DGKI: variants seen among roughly 807,000 people sequenced by gnomAD.
DGKI encodes the protein diacylglycerol kinase iota, also known as DAG kinase iota.
A neutral mutation model predicts 147.5 loss-of-function variants in DGKI; 55 were observed. That is an observed-to-expected ratio of 0.37 (90% CI 0.30 to 0.47). DGKI has a LOEUF of 0.47. Among genes scored for constraint, DGKI ranks in the 20% least tolerant of loss-of-function variants. The probability of loss-of-function intolerance (pLI) is 1.00; values close to 1 mark genes in which losing one functional copy is unlikely to be tolerated. For synonymous variants in DGKI, 469 were observed against 477.1 expected (o/e 0.98, Z 0.22); for missense variants, 1,007 against 1,323.8 (o/e 0.76, Z 3.71).
chr7:137,444,161 GA>G, intron 27 of DGKI, 59 bp from the exon 28 acceptor site: 2 of 1,045,506 alleles, frequency 1.9e-6, no homozygotes, highest in Non-Finnish European at 2.8e-6. Flanking sequence ...TGATAATCAA[GA>G]ATAATTTCAT....
chr7:137,609,737 C>A, intron 8 of DGKI, 128 bp from the exon 9 acceptor site: 1 of 648,136 alleles, frequency 1.5e-6, no homozygotes, highest in Non-Finnish European at 2.7e-6. Flanking sequence ...TTTCACACTT[C>A]CAAGCCACTG....
At chr7:137,591,573 C>T (rs894748580) in intron 12 of DGKI, among the ~76,000 whole-genome samples, 1 of 152,112 alleles carries the variant, frequency 6.6e-6, no homozygotes, top group Non-Finnish European at 1.5e-5. Context: ...CCGAGCTGAG[C>T]GGCAGGGAGC....
chr7:137,612,221 CT>C (rs551204704), intron 8 of DGKI, among the ~76,000 whole-genome samples: 1,453 of 113,928 alleles, frequency 0.013, 12 homozygotes, highest in African/African-American at 0.039. Context: ...ACAAAACGGG[CT>C]TTTTTTTTTT....
intron 27 of DGKI, among the ~76,000 whole-genome samples, 163 bp from the exon 28 acceptor site, chr7:137,444,265 A>G (rs944489583): frequency 4.6e-5 from 7 of 152,340 alleles, no homozygotes; most frequent in Admixed American, 4.6e-4. Context: ...TCAATCAACA[A>G]TTCCCAACTC....
At chr7:137,796,376 T>A (rs1421248133) in intron 1 of DGKI, among the ~76,000 whole-genome samples, 1 of 152,072 alleles carries the variant, frequency 6.6e-6, no homozygotes, top group Admixed American at 6.6e-5. Flanking sequence ...GGTGGATGCC[T>A]GTAATCCCAG....
chr7:137,629,734 C>T (rs1332440079), intron 6 of DGKI, among the ~76,000 whole-genome samples: 1 of 152,194 alleles, frequency 6.6e-6, no homozygotes, highest in African/African-American at 2.4e-5. Context: ...CTAATACATA[C>T]ACAAATTATT....
intron 21 of DGKI, among the ~76,000 whole-genome samples, chr7:137,498,174 AAAAT>A (rs1816040475): frequency 6.6e-6 from 1 of 151,828 alleles, no homozygotes; most frequent in Non-Finnish European, 1.5e-5. Flanking sequence ...AAAATTTGAT[AAAAT>A]AAATAGAGAC....
intron 20 of DGKI, among the ~76,000 whole-genome samples, chr7:137,529,553 G>A (rs1705625489): frequency 6.6e-6 from 1 of 152,168 alleles, no homozygotes; most frequent in Non-Finnish European, 1.5e-5. Context: ...GCAAGCAGTG[G>A]CTTCCCTCAG....
intron 1 of DGKI, among the ~76,000 whole-genome samples, chr7:137,732,596 T>C (rs1306020778): frequency 6.6e-6 from 1 of 151,992 alleles, no homozygotes; most frequent in Non-Finnish European, 1.5e-5. Context: ...GTGCAGACTG[T>C]GATAATTAAC....
At chr7:137,694,262 C>CA (rs756798261) in intron 1 of DGKI, among the ~76,000 whole-genome samples, 78 of 149,526 alleles carry the variant, frequency 5.2e-4, no homozygotes, top group Non-Finnish European at 9.7e-4. Flanking sequence ...GCGGAGCCTG[C>CA]AGTGAGCGGA....
At chr7:137,618,151 A>ATTTTTTTTTTTTTTTTTTTT (rs1156891729) in intron 8 of DGKI, among the ~76,000 whole-genome samples, 2 of 10,450 alleles carry the variant, frequency 1.9e-4, no homozygotes, top group African/African-American at 2.5e-4. Context: ...ATATATATAT[A>ATTTTTTTTTTTTTTTTTTTT]TTTTTTTTTT....
At chr7:137,538,942 G>A (rs892354788) in intron 20 of DGKI, among the ~76,000 whole-genome samples, 1 of 152,076 alleles carries the variant, frequency 6.6e-6, no homozygotes, top group Non-Finnish European at 1.5e-5. Flanking sequence ...GCCCAAAAGG[G>A]GACACCAGGA....
chr7:137,800,463 C>T (rs1010331899), intron 1 of DGKI, among the ~76,000 whole-genome samples: 3 of 152,110 alleles, frequency 2.0e-5, no homozygotes, highest in African/African-American at 7.2e-5. Flanking sequence ...AGTTTTGCTC[C>T]TTCTCCTGCC....
chr7:137,591,719 T>G (rs139237368), intron 12 of DGKI, among the ~76,000 whole-genome samples: 1 of 152,350 alleles, frequency 6.6e-6, no homozygotes, highest in African/African-American at 2.4e-5. Context: ...GTGTAGACAT[T>G]GCTTAGCTAG....
intron 3 of DGKI, among the ~76,000 whole-genome samples, chr7:137,678,264 A>C (rs1823105388): frequency 6.6e-6 from 1 of 151,900 alleles, no homozygotes; most frequent in Non-Finnish European, 1.5e-5. Flanking sequence ...CCTCGTACAC[A>C]TTTACCCTCT....
chr7:137,633,228 A>T (rs1821196108), intron 6 of DGKI, among the ~76,000 whole-genome samples: 1 of 151,806 alleles, frequency 6.6e-6, no homozygotes, highest in African/African-American at 2.4e-5. Flanking sequence ...AAAAAAAAAA[A>T]AAAAAGCAGG....
chr7:137,457,436 C>T (rs976822654), intron 27 of DGKI, among the ~76,000 whole-genome samples: 1 of 152,166 alleles, frequency 6.6e-6, no homozygotes, highest in African/African-American at 2.4e-5. Flanking sequence ...TTATTAGGTT[C>T]AGGCCATAAC....
chr7:137,826,624 G>A (rs915581272), intron 1 of DGKI, among the ~76,000 whole-genome samples: 4 of 151,824 alleles, frequency 2.6e-5, no homozygotes, highest in Non-Finnish European at 4.4e-5. Context: ...CTATTAATTT[G>A]TTCAATGATT....
At chr7:137,487,534 G>T in intron 22 of DGKI, 76 bp downstream of exon 22, 2 of 1,308,282 alleles carry the variant, frequency 1.5e-6, no homozygotes, top group Non-Finnish European at 2.2e-6. Flanking sequence ...CATTTCAGAA[G>T]CAAATATATA....
Sources: gnomAD v4.1 joint callset for allele counts (sites outside exome capture counted in the v4.1 genomes callset) on GRCh38, gnomAD v4.1.1 for gene constraint, MANE v1.5 for transcripts, NCBI Gene and HGNC (gene_info 2026-07-23, HGNC 2026-07-21) for gene names.